Variants in RSU1 observed in about 807,000 individuals in gnomAD.
RSU1 encodes rsu-1.
In RSU1, 26 loss-of-function variants were observed where a neutral mutation model predicts 31.1. That is an observed-to-expected ratio of 0.84 (90% CI 0.61 to 1.16). The LOEUF is 1.16. Among genes scored for constraint, RSU1 ranks in the 50% most tolerant of loss-of-function variants. RSU1 has a pLI of 0.00. For synonymous variants in RSU1, 164 were observed against 136.3 expected, an observed-to-expected ratio of 1.20 and a Z score of -1.41; for missense variants, 320 against 339.1, an observed-to-expected ratio of 0.94 and a Z score of 0.44.
chr10:16,720,640 A>ACT (rs933961940), intron 7 of RSU1, among the ~76,000 whole-genome samples: 1 of 152,220 alleles, frequency 6.6e-6, no homozygotes, highest in African/African-American at 2.4e-5. Context: ...TAAGTATACT[A>ACT]CTCTTAAGGA....
At position 16,720,827 on chromosome 10, in the gene RSU1, A is replaced by C. The variant is rs1174838878; in HGVS notation, c.599-25672T>G. 2.6e-5 allele frequency among the ~76,000 whole-genome samples: 4 copies of C among 152,212 alleles called. No homozygotes were observed. In the East Asian group the frequency reaches 5.8e-4, roughly 22 times the overall value. The stretch of plus-strand genomic sequence containing the variant: ...ATGGCGAAACCCCACGTCTACAAAA[A>C]ATACAGTCATTAGCTGGGCATGGTG... On this transcript the variant is annotated intron_variant, in intron 7 of 8. Coordinates refer to ENST00000345264, the MANE Select transcript of RSU1 (RefSeq NM_012425.4).
chr10:16,790,900 T>G (rs184261404), intron 2 of RSU1, among the ~76,000 whole-genome samples: 44 of 152,328 alleles, frequency 2.9e-4, no homozygotes, highest in African/African-American at 9.1e-4. Context: ...CTCCCAGCCA[T>G]GCTTCCAGGT....
chr10:16,814,934 C>A (rs1482261748), intron 2 of RSU1, among the ~76,000 whole-genome samples: 1 of 152,232 alleles, frequency 6.6e-6, no homozygotes, highest in East Asian at 1.9e-4. Context: ...TACATAAAGT[C>A]TCCTCTTCAA....
chr10:16,699,449 T>C (rs1835742381), intron 7 of RSU1, among the ~76,000 whole-genome samples: 1 of 152,204 alleles, frequency 6.6e-6, no homozygotes. Flanking sequence ...CAAGTTACCA[T>C]TGCCTCGGCA....
intron 4 of RSU1, among the ~76,000 whole-genome samples, chr10:16,760,150 C>A (rs531433048): frequency 1.3e-5 from 2 of 152,082 alleles, no homozygotes; most frequent in Non-Finnish European, 2.9e-5. Context: ...AGTACAGCAC[C>A]GACAGCCAAA....
intron 7 of RSU1, among the ~76,000 whole-genome samples, chr10:16,742,611 A>T (rs955140098): frequency 1.4e-5 from 2 of 139,752 alleles, no homozygotes; most frequent in Non-Finnish European, 3.1e-5. Context: ...TCTGGAATTT[A>T]AAAAAAAAAA....
At chr10:16,718,502 A>G (rs905473195) in intron 7 of RSU1, among the ~76,000 whole-genome samples, 3 of 152,172 alleles carry the variant, frequency 2.0e-5, no homozygotes, top group Non-Finnish European at 4.4e-5. Context: ...GTCTGACATC[A>G]ACAAATGTGA....
At chr10:16,657,064 G>C (rs180704962) in intron 8 of RSU1, among the ~76,000 whole-genome samples, 1 of 152,318 alleles carries the variant, frequency 6.6e-6, no homozygotes, top group East Asian at 1.9e-4. Flanking sequence ...TTTCCTGTCA[G>C]TGTAACAAGC....
At chr10:16,817,179 G>A (rs569455579) in intron 1 of RSU1, 95 bp from the exon 2 acceptor site, 2 of 900,534 alleles carry the variant, frequency 2.2e-6, no homozygotes, top group African/African-American at 1.6e-5. Flanking sequence ...GCTTCCCCAG[G>A]GTTGGAGCGG....
chr10:16,681,886 C>A (rs1835333541), intron 8 of RSU1, among the ~76,000 whole-genome samples: 2 of 152,100 alleles, frequency 1.3e-5, no homozygotes, highest in African/African-American at 4.8e-5. Flanking sequence ...GAGCCTTTTT[C>A]CTCTAACAAG....
chr10:16,697,209 G>T (rs1033194419), intron 7 of RSU1, among the ~76,000 whole-genome samples: 9 of 152,146 alleles, frequency 5.9e-5, no homozygotes, highest in African/African-American at 1.9e-4. Context: ...AGCTGGGAAT[G>T]GTAGTGCTGC....
At chr10:16,664,313 A>T (rs1271412519) in intron 8 of RSU1, among the ~76,000 whole-genome samples, 3 of 152,196 alleles carry the variant, frequency 2.0e-5, no homozygotes, top group Non-Finnish European at 4.4e-5. Flanking sequence ...GCTCACACGC[A>T]CTGATGATGG....
At chr10:16,688,841 A>G (rs976981604) in intron 8 of RSU1, among the ~76,000 whole-genome samples, 1 of 148,008 alleles carries the variant, frequency 6.8e-6, no homozygotes, top group African/African-American at 2.7e-5. Context: ...AGTCTCCACA[A>G]AAAAATAAAA....
chr10:16,776,238 T>C (rs1441701612), intron 3 of RSU1, among the ~76,000 whole-genome samples: 1 of 152,240 alleles, frequency 6.6e-6, no homozygotes, highest in African/African-American at 2.4e-5. Context: ...TTCATTATAA[T>C]TGGATCTACA....
At chr10:16,712,029 A>C (rs1371453949) in intron 7 of RSU1, among the ~76,000 whole-genome samples, 1 of 152,158 alleles carries the variant, frequency 6.6e-6, no homozygotes, top group Non-Finnish European at 1.5e-5. Flanking sequence ...GGTTGAGTGC[A>C]TATGTATTTG....
At chr10:16,652,071 G>T (rs1469199119) in intron 8 of RSU1, among the ~76,000 whole-genome samples, 1 of 152,056 alleles carries the variant, frequency 6.6e-6, no homozygotes, top group Non-Finnish European at 1.5e-5. Context: ...AGTGGTGCAG[G>T]GGGAGAGTAA....
At chr10:16,598,411 G>A (rs887900901) in intron 8 of RSU1, among the ~76,000 whole-genome samples, 6 of 152,082 alleles carry the variant, frequency 3.9e-5, no homozygotes, top group Non-Finnish European at 7.4e-5. Flanking sequence ...TTAGCCAGGT[G>A]TGGTGGAGCA....
chr10:16,806,009 C>G (rs961657395), intron 2 of RSU1, among the ~76,000 whole-genome samples: 20 of 152,190 alleles, frequency 1.3e-4, no homozygotes, highest in Non-Finnish European at 2.9e-5. Flanking sequence ...AGCACCAGCT[C>G]CCAACCTACT....
chr10:16,754,824 C>T lies in RSU1; in HGVS notation c.400+47G>A, dbSNP rs192161639. On this transcript the variant is annotated intron_variant, in intron 5 of 8. Coordinates refer to ENST00000345264, the MANE Select transcript of RSU1 (RefSeq NM_012425.4). ...TGGCAAATAAATTTCCCTCTCAGAA[C>T]GCAAAGTACAAGGTTGAGGAGATTT... 6.2e-4 allele frequency: 721 copies of T among 1,166,414 alleles called. 2 individuals are homozygous for T. The highest frequency in any genetic ancestry group is 6.8e-4 in the Non-Finnish European group (548 of 808,508). The allele number at this position is 1,166,414 out of a possible 1,614,324, so 72.3% of individuals were successfully genotyped here.
Sources: gnomAD v4.1 joint callset for allele counts (sites outside exome capture counted in the v4.1 genomes callset) on GRCh38, gnomAD v4.1.1 for gene constraint, MANE v1.5 for transcripts, NCBI Gene and HGNC (gene_info 2026-07-23, HGNC 2026-07-21) for gene names.